TOP3B: variants seen among roughly 807,000 people sequenced by gnomAD.
TOP3B encodes DNA topoisomerase III beta.
A neutral mutation model predicts 93.9 loss-of-function variants in TOP3B; 45 were observed. The ratio of observed to expected loss-of-function variants is 0.48; its 90% CI spans 0.38 to 0.61. The LOEUF (loss-of-function observed/expected upper bound fraction) is 0.61, where lower values mean the gene tolerates loss of function less well. Among genes scored for constraint, TOP3B ranks in the 20% least tolerant of loss-of-function variants. The pLI, the probability that TOP3B is intolerant of heterozygous loss-of-function variation, is 0.00. For missense variants in TOP3B, 750 were observed against 1,156.1 expected (o/e 0.65, Z 5.09); for synonymous variants, 357 against 472.6 (o/e 0.76, Z 3.17).
At position 21,970,955 on chromosome 22, in the gene TOP3B, C is replaced by A; in HGVS notation, c.385-549G>T. ...GGGGGCAGCTCGGGCTAAAGCACAG[C>A]AGGGGTCCTGGAGCCGAGACTCACT... On this transcript the variant is annotated intron_variant, in intron 5 of 17. Transcript: ENST00000357179. The surrounding 1 kb of genome is among the most constrained non-coding windows in gnomAD (Gnocchi z 4.4). 8.3e-7 allele frequency: 1 copy of A among 1,208,824 alleles called. No homozygotes were observed. Among genetic ancestry groups the A allele is most frequent in the African/African-American group, 1.6e-5 (1 of 63,740 alleles). The allele number at this position is 1,208,824 out of a possible 1,614,324, so 74.9% of individuals were successfully genotyped here. A position where few individuals can be genotyped will look rare whatever the true frequency, so the allele number is the denominator to read the frequency against.
rs554142445 is a variant in TOP3B at position 21,970,656 on chromosome 22, A to G, written c.385-250T>C. 60 of 539,462 alleles carry G rather than the reference A, an allele frequency of 1.1e-4. No individual in the cohort carries two copies. In the South Asian group the frequency reaches 1.3e-3, roughly 11 times the overall value. The allele number at this position is 539,462 out of a possible 1,614,324, so 33.4% of individuals were successfully genotyped here. ...GCTTCCTTTACTCCCATCTAGAAAC[A>G]TACTCGAACACTCCCTTCTTACTCC... On this transcript the variant is annotated intron_variant, in intron 5 of 17. Transcript: ENST00000357179. This position sits in a 1 kb window ranked among gnomAD's most constrained non-coding sequence, Gnocchi z 4.4.
Position 21,970,968 on chromosome 22 carries a change from G to T in TOP3B, c.385-562C>A. 8.1e-7 allele frequency: 1 copy of T among 1,238,032 alleles called. No homozygotes were observed. 76.7% of individuals were successfully genotyped at this position (1,238,032 alleles called of 1,614,324 possible). A position where few individuals can be genotyped will look rare whatever the true frequency, so the allele number is the denominator to read the frequency against. On this transcript the variant is annotated intron_variant, in intron 5 of 17. Transcript: ENST00000357179. This position sits in a 1 kb window ranked among gnomAD's most constrained non-coding sequence, Gnocchi z 4.4. ...GCTAAAGCACAGCAGGGGTCCTGGA[G>T]CCGAGACTCACTAGGAAGGCCGTGC...
In TOP3B at chr22:21,971,285, G is replaced by T; in HGVS notation, c.384+592C>A. The T allele has an allele frequency of 4.0e-6, 1 of 249,192 alleles. No homozygotes were observed. Among genetic ancestry groups the T allele is most frequent in the Non-Finnish European group, 7.6e-6 (1 of 131,754 alleles). The allele number at this position is 249,192 out of a possible 1,614,324, so 15.4% of individuals were successfully genotyped here. A position where few individuals can be genotyped will look rare whatever the true frequency, so the allele number is the denominator to read the frequency against. On this transcript the variant is annotated intron_variant, in intron 5 of 17. Transcript: ENST00000357179. The surrounding 1 kb of genome is among the most constrained non-coding windows in gnomAD (Gnocchi z 4.6). ...GCTGGGGGTACAGGAGCACGGGGGC[G>T]ACCCATAGAACAACAGTCTGAAGGG...
At chr22:21,968,452 T>G (rs956777241) in intron 7 of TOP3B, 167 bp downstream of exon 7, 2 of 739,682 alleles carry the variant, frequency 2.7e-6, no homozygotes, top group African/African-American at 3.5e-5. Flanking sequence ...ACTGCCCCCA[T>G]GAAGGCTGGG....
chr22:21,970,455 A>G lies in TOP3B; in HGVS notation c.385-49T>C, dbSNP rs2071592621. ...GTGACCCACCTCCCAGATCCCTGCC[A>G]CAGCTCCCCACCCCACTGTGAAGCC... On this transcript the variant is annotated intron_variant, in intron 5 of 17. Transcript: ENST00000357179. The surrounding 1 kb of genome is among the most constrained non-coding windows in gnomAD (Gnocchi z 4.4). 6.3e-7 allele frequency: 1 copy of G among 1,581,002 alleles called. No individual in the cohort carries two copies. Among genetic ancestry groups the G allele is most frequent in the Non-Finnish European group, 8.6e-7 (1 of 1,159,070 alleles).
In TOP3B at chr22:21,967,726, A is replaced by G. The variant is rs746896732; in HGVS notation, c.739-10T>C. ...CTTTGTCAGTGTTAACCTGCAGGAAAAAGGATAAAGGGTGAACGCACAAGA... is the reference window on the plus strand; with the variant it reads ...CTTTGTCAGTGTTAACCTGCAGGAAGAAGGATAAAGGGTGAACGCACAAGA... On this transcript the variant is annotated splice_polypyrimidine_tract_variant and intron_variant, in intron 7 of 17. Transcript: ENST00000357179. 3 of 1,605,076 alleles carry G rather than the reference A, an allele frequency of 1.9e-6. No homozygotes were observed. The highest frequency in any genetic ancestry group is 1.7e-4 in the Middle Eastern group (1 of 6,046).
chr22:21,967,160 A>G (rs998557847), intron 8 of TOP3B: 3 of 178,288 alleles, frequency 1.7e-5, no homozygotes, highest in African/African-American at 7.1e-5. Context: ...ACATAATCCC[A>G]TAAAAGCACG....
intron 16 of TOP3B, 48 bp downstream of exon 16, chr22:21,959,084 C>T (rs1268624287): frequency 6.2e-7 from 1 of 1,602,854 alleles, no homozygotes; most frequent in Non-Finnish European, 8.5e-7. Context: ...AAAGCTGAGG[C>T]CTACAGGGGT....
intron 13 of TOP3B, chr22:21,961,870 A>C: frequency 5.9e-6 from 1 of 168,310 alleles, no homozygotes; most frequent in Non-Finnish European, 1.3e-5. Flanking sequence ...AGGCCTGGGG[A>C]CTTGTGAGGC....
intron 1 of TOP3B, among the ~76,000 whole-genome samples, chr22:21,980,704 T>C (rs2145892490): frequency 6.6e-6 from 1 of 152,366 alleles, no homozygotes; most frequent in African/African-American, 2.4e-5. Flanking sequence ...CCCAAGGCTC[T>C]GCTGCGCACC....
intron 1 of TOP3B, among the ~76,000 whole-genome samples, chr22:21,980,687 T>A (rs1192167384): frequency 6.6e-6 from 1 of 152,240 alleles, no homozygotes; most frequent in Non-Finnish European, 1.5e-5. Flanking sequence ...CAGCTCCAGC[T>A]GCATCTCCCA....
chr22:21,962,737 G>A lies in TOP3B; in HGVS notation c.1351+10C>T, dbSNP rs369184228. On this transcript the variant is annotated intron_variant, in intron 12 of 17. Coordinates refer to ENST00000357179, the MANE Select transcript of TOP3B (RefSeq NM_001282112.2). ...GGCACAGAGGAGGAAGGCTGGGCCC[G>A]TGGTGTGACCTGGTGAGAGGACGGT... The A allele has an allele frequency of 1.1e-5, 17 of 1,614,034 alleles. No homozygotes were observed. Among genetic ancestry groups the A allele is most frequent in the East Asian group, 2.2e-5 (1 of 44,898 alleles).
At position 21,962,448 on chromosome 22, in the gene TOP3B, G is replaced by A. The variant is rs369231523; in HGVS notation, c.1506C>T (p.Leu502=). ...DYLTEAELIT[L]MEKHGIGTDA... ...ACCCACCGATGCCATGCTTCTCCAT[G>A]AGCGTGATGAGCTCGGCCTCCGTCA... Residue 502 remains leucine, a synonymous_variant, in exon 13 of 18, where the codon CTC becomes CTT. Transcript: ENST00000357179. 1.2e-5 allele frequency: 19 copies of A among 1,613,554 alleles called. No homozygotes were observed. The highest frequency in any genetic ancestry group is 1.6e-5 in the Non-Finnish European group (19 of 1,180,036).
intron 13 of TOP3B, chr22:21,962,137 G>T: frequency 7.4e-7 from 1 of 1,356,254 alleles, no homozygotes; most frequent in South Asian, 1.5e-5. Context: ...CCTGGCATCT[G>T]GGCCAATCTT....
chr22:21,964,426 G>C (rs937118798), intron 9 of TOP3B, 111 bp from the exon 10 acceptor site: 16 of 1,332,900 alleles, frequency 1.2e-5, no homozygotes, highest in Non-Finnish European at 1.7e-5. Flanking sequence ...CCTGGAGGGT[G>C]ACGGTGGCTC....
intron 13 of TOP3B, chr22:21,960,890 G>T (rs990703307): frequency 6.2e-5 from 11 of 178,434 alleles, no homozygotes; most frequent in Non-Finnish European, 1.3e-4. Context: ...CCTAAACCTG[G>T]ACAATTCTGT....
In TOP3B at chr22:21,971,607, G is replaced by A. The variant is rs916202315; in HGVS notation, c.384+270C>T. On this transcript the variant is annotated intron_variant, in intron 5 of 17. Transcript: ENST00000357179. The surrounding 1 kb of genome is among the most constrained non-coding windows in gnomAD (Gnocchi z 4.6). ...CCAAGACAATCCCATTCTGAAACCT[G>A]CATCCACCCAGACAATTTGGCCCCT... The A allele has an allele frequency of 1.8e-5, 9 of 495,962 alleles. No individual in the cohort carries two copies. The East Asian group carries it at 2.8e-4, about 15-fold the overall frequency. 30.7% of individuals were successfully genotyped at this position (495,962 alleles called of 1,614,324 possible).
chr22:21,959,256 G>A, intron 15 of TOP3B, 24 bp from the exon 16 acceptor site: 1 of 1,610,028 alleles, frequency 6.2e-7, no homozygotes, highest in Non-Finnish European at 8.5e-7. Context: ...GAGTGCAGGA[G>A]TCATCTCCCT....
At position 21,970,135 on chromosome 22, in the gene TOP3B, G is replaced by C; in HGVS notation, c.581+75C>G. On this transcript the variant is annotated intron_variant, in intron 6 of 17. Coordinates refer to ENST00000357179, the MANE Select transcript of TOP3B (RefSeq NM_001282112.2). The surrounding 1 kb of genome is among the most constrained non-coding windows in gnomAD (Gnocchi z 4.4). ...TCGAGGAGGCCTAGGGGCCCCGGAG[G>C]GGGACCAGTAGAGGCAGGTCTCTGG... 6.4e-7 allele frequency: 1 copy of C among 1,553,760 alleles called. No individual in the cohort carries two copies. Among genetic ancestry groups the C allele is most frequent in the Admixed American group, 1.7e-5 (1 of 57,910 alleles).
Sources: allele counts gnomAD v4.1 joint callset (sites outside exome capture counted in the v4.1 genomes callset), GRCh38; gene constraint gnomAD v4.1.1; non-coding constraint Gnocchi (gnomAD v3.1); transcripts MANE v1.5; gene names NCBI Gene and HGNC (gene_info 2026-07-23, HGNC 2026-07-21).